NCOA2: variants seen among roughly 807,000 people sequenced by gnomAD.
The protein encoded by NCOA2 is class E basic helix-loop-helix protein 75.
In NCOA2, 21 loss-of-function variants were observed where a neutral mutation model predicts 145.1. The observed-to-expected ratio is 0.14, with a 90% CI of 0.10 to 0.21. The LOEUF (loss-of-function observed/expected upper bound fraction) is 0.21, where lower values mean the gene tolerates loss of function less well. Among genes scored for constraint, NCOA2 ranks in the 10% least tolerant of loss-of-function variants. NCOA2 has a pLI of 1.00. For missense variants in NCOA2, 1,472 were observed against 1,837.6 expected, an observed-to-expected ratio of 0.80 and a Z score of 3.64; for synonymous variants, 619 against 637.5, an observed-to-expected ratio of 0.97 and a Z score of 0.44.
At chr8:70,374,471 CAAAA>C (rs755097636) in intron 1 of NCOA2, among the ~76,000 whole-genome samples, 2 of 96,742 alleles carry the variant, frequency 2.1e-5, no homozygotes, top group African/African-American at 3.9e-5. Flanking sequence ...GACTCTGTCT[CAAAA>C]AAAAAAAAAA....
rs73684281 is a variant in NCOA2 at position 70,351,411 on chromosome 8, T to C, written c.-77+52289A>G. On this transcript the variant is annotated intron_variant, in intron 1 of 22. Transcript: ENST00000452400. ...CAGGATATTCTATTCTTTAAAGTTT[T>C]GTCTGCTTCTAATTCTAAAAGAAAA... is the stretch of plus-strand genomic sequence containing the variant. 6.8e-3 allele frequency among the ~76,000 whole-genome samples: 1,028 copies of C among 152,266 alleles called. 12 individuals carry two copies. Among genetic ancestry groups the C allele is most frequent in the Middle Eastern group, 0.024 (7 of 294 alleles).
chr8:70,330,576 A>G (rs1440133623), intron 1 of NCOA2, among the ~76,000 whole-genome samples: 3 of 151,772 alleles, frequency 2.0e-5, no homozygotes, highest in Non-Finnish European at 4.4e-5. Context: ...CTCAAAAAAA[A>G]AAAAAACCCC....
chr8:70,425,062 C>T, the NCOA2 span, among the ~76,000 whole-genome samples: 1 of 152,056 alleles, frequency 6.6e-6, no homozygotes, highest in African/African-American at 2.4e-5. Flanking sequence ...TTAACATGTG[C>T]GGAAGGTAGG....
At chr8:70,350,800 C>G (rs1055897769) in intron 1 of NCOA2, among the ~76,000 whole-genome samples, 2 of 152,158 alleles carry the variant, frequency 1.3e-5, no homozygotes, top group African/African-American at 2.4e-5. Flanking sequence ...TATAGCAAGA[C>G]AAGCTGACCC....
At chr8:70,155,386 G>GA (rs1563534883) in intron 11 of NCOA2, among the ~76,000 whole-genome samples, 1 of 152,180 alleles carries the variant, frequency 6.6e-6, no homozygotes, top group African/African-American at 2.4e-5. Context: ...AGGTAAATAA[G>GA]AAATAATTCA....
At chr8:70,238,745 G>C (rs1490624897) in intron 2 of NCOA2, among the ~76,000 whole-genome samples, 1 of 152,122 alleles carries the variant, frequency 6.6e-6, no homozygotes, top group Non-Finnish European at 1.5e-5. Context: ...ATGGTGACTT[G>C]TGCTTCTGTT....
the NCOA2 span, among the ~76,000 whole-genome samples, chr8:70,421,921 C>A: frequency 6.6e-6 from 1 of 151,696 alleles, no homozygotes; most frequent in African/African-American, 2.4e-5. Context: ...ATGGTGAAAC[C>A]CCATCTCTAC....
chr8:70,295,970 A>G (rs1179292950), intron 2 of NCOA2, among the ~76,000 whole-genome samples: 1 of 152,178 alleles, frequency 6.6e-6, no homozygotes, highest in East Asian at 1.9e-4. Flanking sequence ...AATAAGCTTA[A>G]TAAACTATTT....
At chr8:70,304,657 TG>T (rs908239323) in intron 1 of NCOA2, among the ~76,000 whole-genome samples, 5 of 151,630 alleles carry the variant, frequency 3.3e-5, no homozygotes, top group South Asian at 2.1e-4. Flanking sequence ...TGTTTTGTTT[TG>T]TTTTTTTGTT....
intron 1 of NCOA2, among the ~76,000 whole-genome samples, chr8:70,370,443 A>G (rs1417225406): frequency 6.6e-6 from 1 of 152,176 alleles, no homozygotes; most frequent in Non-Finnish European, 1.5e-5. Flanking sequence ...CCTTTCCATC[A>G]TGGGTTTGTG....
At chr8:70,249,979 AG>A (rs1253915119) in intron 2 of NCOA2, among the ~76,000 whole-genome samples, 4,475 of 102,248 alleles carry the variant, frequency 0.044, 274 homozygotes, top group African/African-American at 0.14. Context: ...AAAAAAAAAA[AG>A]AAGAAGAAGA....
rs375190802 is a variant in NCOA2, at chr8:70,136,211, T to C, written c.3158+1992A>G. 2.0e-4 allele frequency among the ~76,000 whole-genome samples: 31 copies of C among 152,126 alleles called. 1 individual carries two copies. The South Asian group carries it at 6.2e-3, about 31-fold the overall frequency. On this transcript the variant is annotated intron_variant, in intron 15 of 22. Coordinates refer to ENST00000452400, the MANE Select transcript of NCOA2 (RefSeq NM_006540.4). The stretch of plus-strand genomic sequence containing the variant: ...CAACACGGCAAAAGCCTGTCTCTAC[T>C]ATAAATACAAAAATTAGCTGGGCAC...
intron 2 of NCOA2, among the ~76,000 whole-genome samples, chr8:70,288,031 T>A (rs1214250675): frequency 6.6e-6 from 1 of 152,168 alleles, no homozygotes; most frequent in East Asian, 1.9e-4. Flanking sequence ...AACTGGCTAA[T>A]TAGGTGCAAA....
intron 4 of NCOA2, among the ~76,000 whole-genome samples, chr8:70,188,870 C>A (rs888177555): frequency 3.3e-5 from 5 of 152,106 alleles, no homozygotes; most frequent in African/African-American, 1.2e-4. Flanking sequence ...AGTTATATTT[C>A]TATGGCTTTC....
rs181043122 is a variant in NCOA2 at position 70,136,536 on chromosome 8, C to T, written c.3158+1667G>A. 3.1e-4 allele frequency among the ~76,000 whole-genome samples: 45 copies of T among 143,080 alleles called. No homozygotes were observed. In the East Asian group the frequency reaches 8.7e-3, roughly 28 times the overall value. 93.9% of individuals were successfully genotyped at this position (143,080 alleles called of 152,430 possible). On this transcript the variant is annotated intron_variant, in intron 15 of 22. Transcript: ENST00000452400. The stretch of plus-strand genomic sequence containing the variant: ...ATATTATAAAGATCTCTTTTATATA[C>T]CAGATGAATGAAGGAAAAAAAAAAA...
chr8:70,409,546 G>T, the NCOA2 span, among the ~76,000 whole-genome samples: 1 of 152,156 alleles, frequency 6.6e-6, no homozygotes, highest in Non-Finnish European at 1.5e-5. Context: ...AATTCAAGAT[G>T]GATCATAGAC....
chr8:70,289,052 T>C (rs1826467412), intron 2 of NCOA2, among the ~76,000 whole-genome samples: 1 of 152,252 alleles, frequency 6.6e-6, no homozygotes, highest in Non-Finnish European at 1.5e-5. Context: ...AGTCAAAGAA[T>C]TTTATATTTC....
chr8:70,190,943 C>G (rs777804337), intron 4 of NCOA2, among the ~76,000 whole-genome samples: 1 of 152,070 alleles, frequency 6.6e-6, no homozygotes, highest in Non-Finnish European at 1.5e-5. Flanking sequence ...AATCAAGGAT[C>G]ATTTGTGGAG....
At chr8:70,420,320 A>G in the NCOA2 span, among the ~76,000 whole-genome samples, 1 of 152,202 alleles carries the variant, frequency 6.6e-6, no homozygotes, top group African/African-American at 2.4e-5. Context: ...ATTTAAACCT[A>G]TTTATCCAAG....
Sources: allele counts gnomAD v4.1 joint callset (sites outside exome capture counted in the v4.1 genomes callset), GRCh38; gene constraint gnomAD v4.1.1; transcripts MANE v1.5; gene names NCBI Gene and HGNC (gene_info 2026-07-23, HGNC 2026-07-21).